The following WAC variants were observed in gnomAD, a reference collection of about 807,000 sequenced individuals.
The protein encoded by WAC is WW domain containing adaptor with coiled-coil.
WAC carries 11 observed loss-of-function variants against 79.6 expected under a neutral mutation model. That is an observed-to-expected ratio of 0.14 (90% confidence interval 0.09 to 0.23). The LOEUF (loss-of-function observed/expected upper bound fraction) is 0.23. Ranked by LOEUF, WAC falls within the 10% of genes least tolerant of loss-of-function variation. WAC has a pLI of 1.00. For missense variants in WAC, 728 were observed against 773.5 expected (o/e 0.94, Z 0.70); for synonymous variants, 304 against 276.9 (o/e 1.10, Z -0.97).
At chr10:28,534,139 C>A in intron 2 of WAC, 105 bp downstream of exon 2, 1 of 1,134,212 alleles carries the variant, frequency 8.8e-7, no homozygotes, top group Non-Finnish European at 1.2e-6. Flanking sequence ...CCCTTCGGTG[C>A]AACACATCTG....
chr10:28,581,211 CA>C (rs1839514791), intron 3 of WAC, among the ~76,000 whole-genome samples: 1 of 145,964 alleles, frequency 6.9e-6, no homozygotes, highest in African/African-American at 2.6e-5. Flanking sequence ...ATTATATACC[CA>C]AACAGCTTAG....
intron 3 of WAC, among the ~76,000 whole-genome samples, chr10:28,554,625 C>G (rs1388541598): frequency 6.6e-6 from 1 of 152,112 alleles, no homozygotes; most frequent in African/African-American, 2.4e-5. Context: ...ACCATTCCCT[C>G]CCAGTTCATT....
rs1427536985 is a variant in WAC, at chr10:28,617,725, A to T, written c.1815A>T (p.Leu605Phe). ...ACATGTCCGAAATTTGTACTGAATTAAAAAATTTAAGATCTTTAGTCCGAG... is the reference window on the plus strand; with the variant it reads ...ACATGTCCGAAATTTGTACTGAATTTAAAAATTTAAGATCTTTAGTCCGAG... ...TIHMSEICTELKNLRSLVRVC... is the reference protein window; with the variant it reads ...TIHMSEICTEFKNLRSLVRVC... The change falls in exon 13 of 14, where the codon TTA (leucine) becomes TTT (phenylalanine). Residue 605 changes from leucine to phenylalanine, a missense_variant. Around this residue, in one of 3 missense-constraint regions of WAC, gnomAD observed 66 missense variants for 78.9 expected, o/e 0.84. Transcript: ENST00000354911. 6.3e-7 allele frequency: 1 copy of T among 1,598,556 alleles called. No homozygotes were observed. Among genetic ancestry groups the T allele is most frequent in the Middle Eastern group, 1.7e-4 (1 of 6,056 alleles).
At chr10:28,538,397 C>G (rs1212681387) in intron 3 of WAC, 1 of 199,780 alleles carries the variant, frequency 5.0e-6, no homozygotes, top group Admixed American at 5.5e-5. Context: ...GCCTGGCCAA[C>G]GTGGTGAAAC....
Position 28,617,670 on chromosome 10 carries a change from G to A in WAC, c.1760G>A (p.Arg587His), listed in dbSNP as rs376303040. The change falls in exon 13 of 14, where the codon CGC (arginine) becomes CAC (histidine). Residue 587 changes from arginine to histidine, a missense_variant. Physicochemically the swap from Arg to His is conservative, Grantham distance 29. Coordinates refer to ENST00000354911, the MANE Select transcript of WAC (RefSeq NM_016628.5). ...CTTTAATTACAGGCATCAAGATTAC[G>A]CGAAGAAGCGCATAACATGGGAACT... ...DHAEKQASRL[R>H]EEAHNMGTIH... The A allele has an allele frequency of 1.6e-5, 25 of 1,563,948 alleles. No individual in the cohort carries two copies. The African/African-American group carries it at 2.4e-4, about 15-fold the overall frequency.
intron 4 of WAC, 103 bp from the exon 5 acceptor site, chr10:28,589,633 T>G (rs1422644412): frequency 1.0e-5 from 7 of 677,752 alleles, no homozygotes; most frequent in Non-Finnish European, 1.7e-5. Context: ...CAGAGTACCT[T>G]TATCTCATAA....
At chr10:28,593,061 G>T (rs1840178950) in intron 6 of WAC, among the ~76,000 whole-genome samples, 1 of 152,138 alleles carries the variant, frequency 6.6e-6, no homozygotes, top group Non-Finnish European at 1.5e-5. Context: ...ACTGCCTTCA[G>T]TTAAATTCCT....
Position 28,535,714 on chromosome 10 carries a change from G to T in WAC, c.231G>T (p.Lys77Asn). 1 of 1,613,758 alleles carries T rather than the reference G, an allele frequency of 6.2e-7. No homozygotes were observed. The highest frequency in any genetic ancestry group is 2.2e-5 in the East Asian group (1 of 44,874). Residue 77 changes from lysine to asparagine, a missense_variant, in exon 3 of 14, where the codon AAG becomes AAT. By Grantham distance (94) the Lys-to-Asn change is moderately conservative. Transcript: ENST00000354911. ...NKYSDSTGHS[K>N]AKNVHTHRVR... ...ACAGTGACAGCACAGGTCACAGTAA[G>T]GCCAAAAATGTGCATACTCACAGAG... is the stretch of plus-strand genomic sequence containing the variant.
At chr10:28,572,285 C>T (rs1172777834) in intron 3 of WAC, among the ~76,000 whole-genome samples, 1 of 146,342 alleles carries the variant, frequency 6.8e-6, no homozygotes, top group Non-Finnish European at 1.5e-5. Context: ...TGCAGTGAGC[C>T]GAGATCGCAC....
intron 3 of WAC, among the ~76,000 whole-genome samples, chr10:28,578,813 G>C (rs1238208930): frequency 6.6e-6 from 1 of 152,102 alleles, no homozygotes; most frequent in East Asian, 1.9e-4. Context: ...CAAAAATACT[G>C]AAGATTTTGT....
chr10:28,603,465 C>G (rs997038702), intron 7 of WAC, among the ~76,000 whole-genome samples: 1 of 152,150 alleles, frequency 6.6e-6, no homozygotes, highest in Non-Finnish European at 1.5e-5. Flanking sequence ...ATGAAAAACA[C>G]TACATTCTCT....
Position 28,559,080 on chromosome 10 carries a change from G to C in WAC, c.274+23323G>C, listed in dbSNP as rs550467229. Among the ~76,000 whole-genome samples the C allele has an allele frequency of 2.0e-5, 3 of 151,558 alleles. No homozygotes were observed. The East Asian group carries it at 5.8e-4, about 30-fold the overall frequency. ...TATATCAGGCAGCCTAGTGTGTCAA[G>C]TACTGTGGGTATGGTAGACAACAGA... On this transcript the variant is annotated intron_variant, in intron 3 of 13. Coordinates refer to ENST00000354911, the MANE Select transcript of WAC (RefSeq NM_016628.5).
At chr10:28,589,206 T>C (rs1456029836) in intron 4 of WAC, 1 of 152,306 alleles carries the variant, frequency 6.6e-6, no homozygotes, top group Non-Finnish European at 1.5e-5. Context: ...ATCCATCTTG[T>C]TGATTTTGAA....
intron 3 of WAC, among the ~76,000 whole-genome samples, chr10:28,541,415 G>GTGTT (rs1212601285): frequency 0.011 from 417 of 37,874 alleles, 7 homozygotes; most frequent in South Asian, 0.014. Context: ...GTGTGTGTGT[G>GTGTT]TTTTGTTTTT....
intron 7 of WAC, among the ~76,000 whole-genome samples, chr10:28,604,326 A>T (rs1840822792): frequency 6.6e-6 from 1 of 151,502 alleles, no homozygotes; most frequent in Admixed American, 6.6e-5. Flanking sequence ...GCATGTGTAC[A>T]TGCTCCTGTT....
At chr10:28,591,607 A>G (rs970178764) in intron 6 of WAC, 5 of 152,358 alleles carry the variant, frequency 3.3e-5, no homozygotes, top group African/African-American at 4.8e-5. Context: ...GCCTGCTGCA[A>G]TCCCAGCCCT....
intron 3 of WAC, among the ~76,000 whole-genome samples, chr10:28,538,741 A>AT (rs1361485729): frequency 1.2e-3 from 185 of 148,084 alleles, no homozygotes; most frequent in African/African-American, 3.5e-3. Flanking sequence ...AAAAAAAAAA[A>AT]TTTTTTTTTT....
chr10:28,608,688 C>A, intron 8 of WAC: 1 of 422,980 alleles, frequency 2.4e-6, no homozygotes, highest in Non-Finnish European at 4.2e-6. Context: ...CTGGTAGTTA[C>A]TGGAGGTAAG....
intron 3 of WAC, among the ~76,000 whole-genome samples, chr10:28,577,685 A>C (rs932145488): frequency 2.0e-5 from 3 of 152,188 alleles, no homozygotes; most frequent in Non-Finnish European, 4.4e-5. Context: ...TGACCTGTAG[A>C]GTATAATAAT....
Sources: gnomAD v4.1 joint callset for allele counts (sites outside exome capture counted in the v4.1 genomes callset) on GRCh38, gnomAD v4.1.1 for gene constraint, gnomAD v4.1.1 regional missense constraint, MANE v1.5 for transcripts, NCBI Gene and HGNC (gene_info 2026-07-23, HGNC 2026-07-21) for gene names.